The following LRFN5 variants were observed in gnomAD, a reference collection of about 807,000 sequenced individuals.
LRFN5 encodes the protein leucine-rich repeat and fibronectin type-III domain-containing protein 5.
Under a neutral mutation model 45.6 loss-of-function variants are expected in LRFN5, and 24 were observed. That is an observed-to-expected ratio of 0.53 (90% CI 0.38 to 0.74). LRFN5 has a LOEUF of 0.74. Ranked by LOEUF, LRFN5 falls within the 30% of genes least tolerant of loss-of-function variation. LRFN5 has a pLI of 0.00. For synonymous variants in LRFN5, 340 were observed against 313.8 expected, an observed-to-expected ratio of 1.08 and a Z score of -0.88; for missense variants, 776 against 861.5, an observed-to-expected ratio of 0.90 and a Z score of 1.24.
chr14:41,630,508 G>C (rs2138577594), intron 1 of LRFN5, among the ~76,000 whole-genome samples: 1 of 152,064 alleles, frequency 6.6e-6, no homozygotes, highest in South Asian at 2.1e-4. Flanking sequence ...AATCTGTATT[G>C]TTTGCTTAGA....
intron 1 of LRFN5, among the ~76,000 whole-genome samples, chr14:41,765,108 G>A (rs1453339249): frequency 2.0e-5 from 3 of 151,956 alleles, no homozygotes; most frequent in Non-Finnish European, 4.4e-5. Context: ...TTGGGAGGCC[G>A]AGACGGGCGG....
intron 1 of LRFN5, among the ~76,000 whole-genome samples, chr14:41,663,613 A>T (rs1343442182): frequency 6.6e-6 from 1 of 152,010 alleles, no homozygotes. Flanking sequence ...GACATTACTC[A>T]TATGTAAAGC....
At chr14:41,713,812 A>T (rs550125446) in intron 1 of LRFN5, among the ~76,000 whole-genome samples, 1 of 152,248 alleles carries the variant, frequency 6.6e-6, no homozygotes, top group African/African-American at 2.4e-5. Context: ...ATTTGTCATT[A>T]TCTTTTAAAG....
At chr14:41,746,579 A>C (rs1044612279) in intron 1 of LRFN5, among the ~76,000 whole-genome samples, 31 of 152,010 alleles carry the variant, frequency 2.0e-4, no homozygotes, top group Non-Finnish European at 2.2e-4. Context: ...CTGATGTTGA[A>C]CACCTTTTCC....
chr14:41,706,548 A>G (rs1266172610), intron 1 of LRFN5, among the ~76,000 whole-genome samples: 2 of 152,180 alleles, frequency 1.3e-5, no homozygotes, highest in South Asian at 2.1e-4. Context: ...TAAAAAGCCT[A>G]TCAAAATCCA....
chr14:41,622,871 A>G (rs1433277810), intron 1 of LRFN5, among the ~76,000 whole-genome samples: 1 of 152,120 alleles, frequency 6.6e-6, no homozygotes, highest in African/African-American at 2.4e-5. Flanking sequence ...CTCTTTTTTG[A>G]TAGGGATAAA....
intron 4 of LRFN5, chr14:41,893,417 C>T: frequency 1.0e-6 from 1 of 985,174 alleles, no homozygotes; most frequent in East Asian, 1.1e-4. Flanking sequence ...GAATAAGGCT[C>T]ACCTGAGAAC....
At chr14:41,812,069 A>G (rs1887756139) in intron 2 of LRFN5, among the ~76,000 whole-genome samples, 2 of 152,084 alleles carry the variant, frequency 1.3e-5, no homozygotes, top group Admixed American at 1.3e-4. Context: ...TGAATATGGA[A>G]TATCTACTAT....
intron 2 of LRFN5, among the ~76,000 whole-genome samples, chr14:41,857,202 G>A (rs932190107): frequency 6.6e-6 from 1 of 151,960 alleles, no homozygotes; most frequent in African/African-American, 2.4e-5. Context: ...TCATATTATT[G>A]TTTTATAGAT....
intron 2 of LRFN5, among the ~76,000 whole-genome samples, chr14:41,802,146 A>G (rs1465322945): frequency 6.6e-6 from 1 of 152,184 alleles, no homozygotes; most frequent in Non-Finnish European, 1.5e-5. Flanking sequence ...AGAAAACCAG[A>G]GCTGGACAAA....
chr14:41,627,335 T>G (rs1459145816), intron 1 of LRFN5, among the ~76,000 whole-genome samples: 2 of 151,980 alleles, frequency 1.3e-5, no homozygotes, highest in African/African-American at 2.4e-5. Context: ...TTCTGGGAAA[T>G]GAGAAACAAG....
At chr14:41,883,195 T>C (rs1158489291) in intron 2 of LRFN5, among the ~76,000 whole-genome samples, 2 of 147,030 alleles carry the variant, frequency 1.4e-5, no homozygotes, top group Non-Finnish European at 3.0e-5. Context: ...GGAAGTTAGA[T>C]TCTTTAAGTT....
intron 1 of LRFN5, among the ~76,000 whole-genome samples, chr14:41,697,974 G>A (rs1000032149): frequency 2.0e-5 from 3 of 151,856 alleles, no homozygotes; most frequent in African/African-American, 7.2e-5. Flanking sequence ...TCAGGAGATT[G>A]GTACAATTAA....
At chr14:41,804,308 G>T (rs1887444135) in intron 2 of LRFN5, among the ~76,000 whole-genome samples, 2 of 152,048 alleles carry the variant, frequency 1.3e-5, no homozygotes, top group Admixed American at 1.3e-4. Flanking sequence ...AATGGTCCTA[G>T]TGTACCAAGT....
In LRFN5 at chr14:41,891,292, G is replaced by C. The variant is rs1228167651; in HGVS notation, c.1428G>C (p.Leu476=). The change falls in exon 4 of 6, where the codon CTG becomes CTC. Residue 476 remains leucine (L), a synonymous_variant. Coordinates refer to ENST00000298119, the MANE Select transcript of LRFN5 (RefSeq NM_152447.5). ...GCAAAACTTTTCTGGTCAATAATCTGGCTGCTGGAACTATGTATGACTTGT... is the reference window on the plus strand; with the variant it reads ...GCAAAACTTTTCTGGTCAATAATCTCGCTGCTGGAACTATGTATGACTTGT... The part of the protein sequence containing the change: ...PTSKTFLVNN[L]AAGTMYDLCV... 6.2e-7 allele frequency: 1 copy of C among 1,613,924 alleles called. No individual in the cohort carries two copies. Among genetic ancestry groups the C allele is most frequent in the Non-Finnish European group, 8.5e-7 (1 of 1,180,018 alleles).
intron 1 of LRFN5, chr14:41,701,227 C>G (rs1882828864): frequency 6.6e-6 from 1 of 152,080 alleles, no homozygotes; most frequent in East Asian, 1.9e-4. Context: ...TTTATCACTC[C>G]AAGTATTCAC....
chr14:41,819,559 G>C (rs1249887004), intron 2 of LRFN5, among the ~76,000 whole-genome samples: 1 of 152,108 alleles, frequency 6.6e-6, no homozygotes, highest in Admixed American at 6.6e-5. Context: ...CAGTTCTGCA[G>C]ACTGTCCAGG....
intron 1 of LRFN5, among the ~76,000 whole-genome samples, chr14:41,652,784 G>A (rs937202782): frequency 2.6e-5 from 4 of 152,106 alleles, no homozygotes; most frequent in Admixed American, 6.6e-5. Context: ...TATCAACAGT[G>A]TATAAGCATT....
At chr14:41,771,339 A>G (rs1056876498) in intron 2 of LRFN5, among the ~76,000 whole-genome samples, 2 of 151,816 alleles carry the variant, frequency 1.3e-5, no homozygotes, top group Non-Finnish European at 2.9e-5. Context: ...CTGGTCACGC[A>G]TGCCTCTCTA....
Sources: allele counts gnomAD v4.1 joint callset (sites outside exome capture counted in the v4.1 genomes callset), GRCh38; gene constraint gnomAD v4.1.1; transcripts MANE v1.5; gene names NCBI Gene and HGNC (gene_info 2026-07-23, HGNC 2026-07-21).